BAZ2B: variants seen among roughly 807,000 people sequenced by gnomAD.
BAZ2B encodes bromodomain adjacent to zinc finger domain 2B.
BAZ2B carries 91 observed loss-of-function variants against 246.0 expected under a neutral mutation model. That is an observed-to-expected ratio of 0.37 (90% CI 0.31 to 0.44). BAZ2B has a LOEUF of 0.44. Ranked by LOEUF, BAZ2B falls within the 20% of genes least tolerant of loss-of-function variation. The probability of loss-of-function intolerance (pLI) is 1.00; values close to 1 mark genes in which losing one functional copy is unlikely to be tolerated. For synonymous variants in BAZ2B, 855 were observed against 860.0 expected (o/e 0.99, Z 0.10); for missense variants, 2,332 against 2,533.7 (o/e 0.92, Z 1.71).
the BAZ2B span, among the ~76,000 whole-genome samples, chr2:159,671,039 C>T: frequency 1.3e-5 from 2 of 152,270 alleles, no homozygotes; most frequent in South Asian, 4.1e-4. Context: ...TCTCTGTCTG[C>T]TTTCATAATT....
intron 8 of BAZ2B, chr2:159,434,783 G>A (rs1159248000): frequency 6.6e-6 from 1 of 152,096 alleles, no homozygotes; most frequent in African/African-American, 2.4e-5. Context: ...CTACTTTAGT[G>A]TGCCTTTGCA....
chr2:159,448,229 T>C lies in BAZ2B; in HGVS notation c.502+13A>G, dbSNP rs767509619. On this transcript the variant is annotated intron_variant, in intron 5 of 36. Transcript: ENST00000392783. Reference sequence around the variant, plus strand: ...GAAGATTTATAGTACTTCACTTATGTAAATGTGGATACCTTTTTCGGGACC... The same window carrying C: ...GAAGATTTATAGTACTTCACTTATGCAAATGTGGATACCTTTTTCGGGACC... The C allele has an allele frequency of 1.7e-5, 28 of 1,608,762 alleles. No individual in the cohort carries two copies. The highest frequency in any genetic ancestry group is 2.4e-5 in the Non-Finnish European group (28 of 1,178,378).
intron 25 of BAZ2B, among the ~76,000 whole-genome samples, chr2:159,377,830 A>G (rs1398315932): frequency 7.1e-6 from 1 of 139,918 alleles, no homozygotes; most frequent in Non-Finnish European, 1.6e-5. Context: ...AAAAAAAAAA[A>G]GAAGTGAAAT....
chr2:159,510,068 T>C (rs910328602), intron 2 of BAZ2B, among the ~76,000 whole-genome samples: 1 of 152,196 alleles, frequency 6.6e-6, no homozygotes, highest in Non-Finnish European at 1.5e-5. Context: ...AAATATTGTA[T>C]GATTCCACTT....
intron 30 of BAZ2B, among the ~76,000 whole-genome samples, chr2:159,348,319 C>CAA (rs541304274): frequency 0.054 from 1,462 of 27,088 alleles, 195 homozygotes; most frequent in African/African-American, 0.12. Flanking sequence ...GACTCTCTCA[C>CAA]AAAAAAAAAA....
intron 12 of BAZ2B, 86 bp downstream of exon 12, chr2:159,428,225 T>C: frequency 8.1e-7 from 1 of 1,240,198 alleles, no homozygotes; most frequent in Non-Finnish European, 1.2e-6. Context: ...CAAGGAACTT[T>C]ATCTGAGAAA....
At chr2:159,683,255 A>G in the BAZ2B span, among the ~76,000 whole-genome samples, 3 of 152,198 alleles carry the variant, frequency 2.0e-5, no homozygotes, top group South Asian at 6.2e-4. Context: ...AGTTCACACT[A>G]TTTTATTTAG....
intron 1 of BAZ2B, among the ~76,000 whole-genome samples, chr2:159,602,226 A>C (rs976659072): frequency 6.6e-6 from 1 of 152,220 alleles, no homozygotes; most frequent in Non-Finnish European, 1.5e-5. Flanking sequence ...TATTGGAAAC[A>C]ACAGTCTAGG....
At chr2:159,476,207 G>A (rs1366531660) in intron 3 of BAZ2B, among the ~76,000 whole-genome samples, 1 of 151,880 alleles carries the variant, frequency 6.6e-6, no homozygotes, top group East Asian at 1.9e-4. Context: ...CCCCTGACTG[G>A]GGCTGCTGTA....
intron 2 of BAZ2B, among the ~76,000 whole-genome samples, chr2:159,517,982 A>T (rs754029160): frequency 1.3e-5 from 2 of 152,244 alleles, no homozygotes; most frequent in Non-Finnish European, 2.9e-5. Context: ...TAGTAGTCAC[A>T]TGGAATGCAA....
chr2:159,559,066 C>T (rs1408131554), intron 1 of BAZ2B, among the ~76,000 whole-genome samples: 3 of 152,004 alleles, frequency 2.0e-5, no homozygotes, highest in Non-Finnish European at 4.4e-5. Flanking sequence ...ATGGTGAAAC[C>T]CTATCTCTAC....
the BAZ2B span, among the ~76,000 whole-genome samples, chr2:159,625,894 G>A: frequency 2.8e-3 from 422 of 152,088 alleles, 1 homozygote; most frequent in Non-Finnish European, 5.5e-3. Flanking sequence ...TGGATAAAGA[G>A]TCAAGACCCA....
At chr2:159,456,587 G>GA (rs1391882652) in intron 3 of BAZ2B, among the ~76,000 whole-genome samples, 1 of 152,030 alleles carries the variant, frequency 6.6e-6, no homozygotes, top group Non-Finnish European at 1.5e-5. Flanking sequence ...AGATTCAAAT[G>GA]AAAAAAATAT....
intron 25 of BAZ2B, among the ~76,000 whole-genome samples, chr2:159,377,650 T>C (rs1335458682): frequency 2.6e-5 from 4 of 151,636 alleles, no homozygotes; most frequent in African/African-American, 4.9e-5. Context: ...CTGTCTCTAC[T>C]AAAAATACAA....
intron 34 of BAZ2B, among the ~76,000 whole-genome samples, chr2:159,328,073 A>C (rs1162255833): frequency 3.1e-4 from 7 of 22,510 alleles, no homozygotes; most frequent in East Asian, 1.4e-3. Flanking sequence ...TCAAAACGAA[A>C]AAAAAAAAAA....
the BAZ2B span, among the ~76,000 whole-genome samples, chr2:159,670,181 C>T: frequency 2.0e-5 from 3 of 151,996 alleles, no homozygotes; most frequent in African/African-American, 4.8e-5. Flanking sequence ...GTGTTGGCCA[C>T]GCTGGTCTCA....
chr2:159,389,510 T>G, intron 20 of BAZ2B, 25 bp from the exon 21 acceptor site: 2 of 1,548,516 alleles, frequency 1.3e-6, no homozygotes, highest in Non-Finnish European at 1.7e-6. Flanking sequence ...CATGTACACA[T>G]ATTCTTCTTA....
chr2:159,451,048 T>C (rs1195853436), intron 4 of BAZ2B, among the ~76,000 whole-genome samples: 2 of 152,150 alleles, frequency 1.3e-5, no homozygotes, highest in African/African-American at 4.8e-5. Context: ...AACTCAAAGA[T>C]TCTATTAATA....
chr2:159,591,453 G>C (rs958987566), intron 1 of BAZ2B, among the ~76,000 whole-genome samples: 4 of 151,982 alleles, frequency 2.6e-5, no homozygotes, highest in Non-Finnish European at 5.9e-5. Flanking sequence ...GGTAGGATAA[G>C]GAAAACAGAA....
Sources: gnomAD v4.1 joint callset for allele counts (sites outside exome capture counted in the v4.1 genomes callset) on GRCh38, gnomAD v4.1.1 for gene constraint, MANE v1.5 for transcripts, NCBI Gene and HGNC (gene_info 2026-07-23, HGNC 2026-07-21) for gene names.